Variants in KIAA1671 observed in about 807,000 individuals in gnomAD.
KIAA1671 encodes the protein uncharacterized protein KIAA1671.
KIAA1671 carries 52 observed loss-of-function variants against 131.2 expected under a neutral mutation model. The ratio of observed to expected loss-of-function variants is 0.40; its 90% CI spans 0.32 to 0.50. KIAA1671 has a LOEUF of 0.50. Among genes scored for constraint, KIAA1671 ranks in the 20% least tolerant of loss-of-function variants. KIAA1671 has a pLI of 0.73. For synonymous variants in KIAA1671, 1,003 were observed against 961.6 expected (o/e 1.04, Z -0.80); for missense variants, 2,360 against 2,364.2 (o/e 1.00, Z 0.04).
chr22:24,972,246 G>C (rs1240852389), intron 1 of KIAA1671, among the ~76,000 whole-genome samples: 1 of 152,166 alleles, frequency 6.6e-6, no homozygotes, highest in East Asian at 1.9e-4. Flanking sequence ...TTGAGCACTT[G>C]CTACATGTTT....
chr22:24,953,188 G>T (rs1921502394), intron 1 of KIAA1671, among the ~76,000 whole-genome samples: 1 of 152,288 alleles, frequency 6.6e-6, no homozygotes, highest in East Asian at 1.9e-4. Context: ...GACTGGGAGC[G>T]AGAGGATCAA....
chr22:25,043,670 G>T (rs1366195397), intron 5 of KIAA1671, among the ~76,000 whole-genome samples: 1 of 152,166 alleles, frequency 6.6e-6, no homozygotes, highest in Non-Finnish European at 1.5e-5. Context: ...AGGTGTCCTG[G>T]AGGAGTCGGT....
At chr22:24,982,658 C>T (rs978486805) in intron 1 of KIAA1671, among the ~76,000 whole-genome samples, 5 of 152,160 alleles carry the variant, frequency 3.3e-5, no homozygotes, top group Non-Finnish European at 7.4e-5. Context: ...TCCCTTGCCC[C>T]ACAGCAGCCC....
At chr22:25,124,868 C>T (rs1932105413) in intron 6 of KIAA1671, among the ~76,000 whole-genome samples, 1 of 152,144 alleles carries the variant, frequency 6.6e-6, no homozygotes, top group South Asian at 2.1e-4. Flanking sequence ...ACGATCCTCC[C>T]ATCTCAGCCT....
rs1184855845 is a variant in KIAA1671 at position 25,193,506 on chromosome 22, T to G, written c.*1105T>G. The G allele has an allele frequency of 6.6e-6, 1 of 152,240 alleles. No homozygotes were observed. Among genetic ancestry groups the G allele is most frequent in the African/African-American group, 2.4e-5 (1 of 41,456 alleles). 9.4% of individuals were successfully genotyped at this position (152,240 alleles called of 1,614,324 possible). ...ACTTTTTGCTTTTGCTCACCTCATT[T>G]TCCTTCATCTTTCTTGATGAATCCA... On this transcript the variant is annotated 3_prime_UTR_variant, in exon 13 of 13. Transcript: ENST00000358431.
chr22:25,013,208 G>A (rs1569206020), intron 1 of KIAA1671: 2 of 152,206 alleles, frequency 1.3e-5, no homozygotes, highest in Admixed American at 6.5e-5. Context: ...TTATTTAAAC[G>A]GCTCTAAAAG....
chr22:25,026,463 G>A (rs1034497564), intron 2 of KIAA1671, among the ~76,000 whole-genome samples: 2 of 152,120 alleles, frequency 1.3e-5, no homozygotes, highest in Admixed American at 1.3e-4. Context: ...GGGTGTGGTG[G>A]CTCAAGCCTG....
chr22:24,997,537 AGGGGTTGTT>A (rs1254871836), intron 1 of KIAA1671, among the ~76,000 whole-genome samples: 1 of 151,984 alleles, frequency 6.6e-6, no homozygotes, highest in Non-Finnish European at 1.5e-5. Flanking sequence ...GTGCTGGTAT[AGGGGTTGTT>A]GGTGTTGAGA....
At chr22:24,985,143 C>G (rs572666129) in intron 1 of KIAA1671, among the ~76,000 whole-genome samples, 2 of 152,042 alleles carry the variant, frequency 1.3e-5, no homozygotes, top group East Asian at 3.9e-4. Flanking sequence ...AAATATATCT[C>G]TATTCAGATA....
chr22:25,094,027 T>G (rs1194640417), intron 6 of KIAA1671, among the ~76,000 whole-genome samples: 1 of 152,020 alleles, frequency 6.6e-6, no homozygotes, highest in Non-Finnish European at 1.5e-5. Flanking sequence ...GGGGCCACCC[T>G]GAGGACTGTA....
At chr22:24,961,601 G>C (rs1267711071) in intron 1 of KIAA1671, among the ~76,000 whole-genome samples, 1 of 152,200 alleles carries the variant, frequency 6.6e-6, no homozygotes, top group African/African-American at 2.4e-5. Context: ...CTGAAGGGTG[G>C]CAGCCAGCCA....
At chr22:24,972,193 TAAC>T (rs1922654268) in intron 1 of KIAA1671, among the ~76,000 whole-genome samples, 1 of 152,202 alleles carries the variant, frequency 6.6e-6, no homozygotes, top group South Asian at 2.1e-4. Flanking sequence ...TTACAGTGGT[TAAC>T]AACAACTAAA....
intron 6 of KIAA1671, among the ~76,000 whole-genome samples, chr22:25,066,315 A>T (rs867518052): frequency 3.3e-5 from 5 of 152,002 alleles, no homozygotes; most frequent in African/African-American, 1.2e-4. Context: ...CACCAGGCTA[A>T]GTTTTCCATT....
At chr22:25,093,872 C>CTT (rs1930268384) in intron 6 of KIAA1671, among the ~76,000 whole-genome samples, 1 of 126,540 alleles carries the variant, frequency 7.9e-6, no homozygotes, top group Non-Finnish European at 1.7e-5. Flanking sequence ...CTCTCTCTCT[C>CTT]TCTCTCTCTC....
chr22:25,110,218 T>C (rs1931261063), intron 6 of KIAA1671: 1 of 152,222 alleles, frequency 6.6e-6, no homozygotes, highest in Non-Finnish European at 1.5e-5. Flanking sequence ...GTTGGCCATA[T>C]TGCCAGAGAG....
intron 1 of KIAA1671, among the ~76,000 whole-genome samples, chr22:25,020,799 A>G (rs1352758298): frequency 6.6e-6 from 1 of 152,186 alleles, no homozygotes; most frequent in African/African-American, 2.4e-5. Context: ...TCTGGGGTTC[A>G]TTGTGCTGAA....
At chr22:24,974,955 A>G (rs1418345994) in intron 1 of KIAA1671, among the ~76,000 whole-genome samples, 1 of 151,724 alleles carries the variant, frequency 6.6e-6, no homozygotes, top group Admixed American at 6.6e-5. Context: ...CGGCCTCCCA[A>G]AGTGCTGGGA....
At chr22:24,996,521 T>A (rs1009022605) in intron 1 of KIAA1671, among the ~76,000 whole-genome samples, 1 of 152,030 alleles carries the variant, frequency 6.6e-6, no homozygotes, top group African/African-American at 2.4e-5. Flanking sequence ...TATGTTGGGT[T>A]CCCTAGAAGG....
chr22:25,167,233 T>C (rs1391699965), intron 6 of KIAA1671, among the ~76,000 whole-genome samples: 1 of 152,334 alleles, frequency 6.6e-6, no homozygotes, highest in South Asian at 2.1e-4. Context: ...GCTATCCCTA[T>C]GTGCTGCCCG....
Sources: allele counts gnomAD v4.1 joint callset (sites outside exome capture counted in the v4.1 genomes callset), GRCh38; gene constraint gnomAD v4.1.1; transcripts MANE v1.5; gene names NCBI Gene and HGNC (gene_info 2026-07-23, HGNC 2026-07-21).